Variants in NBAS observed in about 807,000 individuals in gnomAD.
NBAS encodes the protein NBAS subunit of NRZ tethering complex.
Under a neutral mutation model 302.5 loss-of-function variants are expected in NBAS, and 219 were observed. That is an observed-to-expected ratio of 0.72 (90% CI 0.65 to 0.81). NBAS has a LOEUF of 0.81. NBAS is among the 30% of genes least tolerant of loss of function. The pLI, the probability that NBAS is intolerant of heterozygous loss-of-function variation, is 0.00. For missense variants in NBAS, 2,932 were observed against 2,841.6 expected (o/e 1.03, Z -0.72); for synonymous variants, 1,118 against 1,021.6 (o/e 1.09, Z -1.80).
At chr2:15,055,116 T>G in the NBAS span, among the ~76,000 whole-genome samples, 2 of 152,102 alleles carry the variant, frequency 1.3e-5, no homozygotes, top group Non-Finnish European at 1.5e-5. Context: ...ACTGGATACA[T>G]TCACTCGAAG....
At chr2:14,818,983 A>G in the NBAS span, among the ~76,000 whole-genome samples, 1 of 151,912 alleles carries the variant, frequency 6.6e-6, no homozygotes, top group Non-Finnish European at 1.5e-5. Flanking sequence ...ATCAAGTTCA[A>G]CTCCTCTACA....
intron 25 of NBAS, among the ~76,000 whole-genome samples, chr2:15,405,677 CA>C (rs1676374398): frequency 6.6e-6 from 1 of 152,068 alleles, no homozygotes; most frequent in Non-Finnish European, 1.5e-5. Flanking sequence ...GAAAAGAACA[CA>C]GATGATAAGA....
At chr2:15,085,466 C>T in the NBAS span, among the ~76,000 whole-genome samples, 1 of 152,118 alleles carries the variant, frequency 6.6e-6, no homozygotes, top group Non-Finnish European at 1.5e-5. Flanking sequence ...AGTGCTGGGG[C>T]AATGTGGGGA....
chr2:15,408,306 T>A (rs574121075), intron 25 of NBAS, among the ~76,000 whole-genome samples: 3 of 152,236 alleles, frequency 2.0e-5, no homozygotes, highest in Admixed American at 2.0e-4. Flanking sequence ...ACAATTCAGA[T>A]CCTCTGGTCA....
At chr2:14,960,537 G>T in the NBAS span, among the ~76,000 whole-genome samples, 1 of 152,164 alleles carries the variant, frequency 6.6e-6, no homozygotes, top group South Asian at 2.1e-4. Flanking sequence ...CTTTGATGAT[G>T]AGAAATCTAA....
intron 9 of NBAS, among the ~76,000 whole-genome samples, chr2:15,516,687 C>G (rs940535715): frequency 2.0e-5 from 3 of 149,492 alleles, no homozygotes; most frequent in Non-Finnish European, 2.9e-5. Flanking sequence ...CGCTCCACTG[C>G]ACTCCAGCTT....
At chr2:15,543,772 G>C (rs140217147) in intron 6 of NBAS, among the ~76,000 whole-genome samples, 38 of 152,316 alleles carry the variant, frequency 2.5e-4, no homozygotes, top group African/African-American at 8.4e-4. Context: ...GCAACACGTG[G>C]GAGTTATGGG....
chr2:15,123,391 T>A, the NBAS span, among the ~76,000 whole-genome samples: 16 of 152,058 alleles, frequency 1.1e-4, no homozygotes, highest in African/African-American at 3.9e-4. Flanking sequence ...GGAGACCAGG[T>A]GAAGGGAGCT....
At chr2:15,454,268 CAT>C (rs1679149454) in intron 21 of NBAS, among the ~76,000 whole-genome samples, 1 of 152,034 alleles carries the variant, frequency 6.6e-6, no homozygotes, top group East Asian at 1.9e-4. Context: ...GTTCAGTAAA[CAT>C]ATAATTGTCA....
rs115225546 is a variant in NBAS, at chr2:15,400,530, A to G, written c.3071+1638T>C. ...AAAAATGATCTAAAATTGCAAAATC[A>G]AAAAATAACAACACGAGCATAACAT... On this transcript the variant is annotated intron_variant, in intron 26 of 51. Transcript: ENST00000281513. Among the ~76,000 whole-genome samples, 1,015 of 152,292 alleles carry G rather than the reference A, an allele frequency of 6.7e-3. 11 individuals carry two copies. The highest frequency in any genetic ancestry group is 0.022 in the African/African-American group (925 of 41,554).
chr2:14,973,162 C>T, the NBAS span, among the ~76,000 whole-genome samples: 19 of 152,280 alleles, frequency 1.2e-4, no homozygotes, highest in Non-Finnish European at 2.4e-4. Context: ...TGGGGAATTT[C>T]GGAAGCCCCA....
rs147612706 is a variant in NBAS at position 15,412,333 on chromosome 2, C to T, written c.2937+3213G>A. ...AGCCACTGTGTGGTTCTACTTTGTT[C>T]TCTTCCCTATGCCACAAGAGAGAAA... On this transcript the variant is annotated intron_variant, in intron 25 of 51. Transcript: ENST00000281513. Among the ~76,000 whole-genome samples the T allele has an allele frequency of 4.6e-5, 7 of 152,262 alleles. No individual in the cohort carries two copies. In the East Asian group the frequency reaches 1.4e-3, roughly 29 times the overall value.
chr2:14,824,191 GT>G, the NBAS span, among the ~76,000 whole-genome samples: 1 of 152,154 alleles, frequency 6.6e-6, no homozygotes, highest in Non-Finnish European at 1.5e-5. Flanking sequence ...TAAATAAGAG[GT>G]AGAACTAGAA....
chr2:15,250,839 G>A (rs1558475424), intron 44 of NBAS, among the ~76,000 whole-genome samples: 1 of 152,182 alleles, frequency 6.6e-6, no homozygotes, highest in Non-Finnish European at 1.5e-5. Context: ...GGAGAAATAG[G>A]AACGCTTTTA....
intron 42 of NBAS, among the ~76,000 whole-genome samples, chr2:15,285,579 G>T (rs1157358236): frequency 6.6e-6 from 1 of 152,164 alleles, no homozygotes; most frequent in Non-Finnish European, 1.5e-5. Flanking sequence ...CCCCAGATCT[G>T]TAAGATCCAA....
intron 9 of NBAS, among the ~76,000 whole-genome samples, chr2:15,523,205 G>A (rs1572965813): frequency 6.6e-6 from 1 of 152,270 alleles, no homozygotes; most frequent in East Asian, 1.9e-4. Flanking sequence ...AAAAATACAT[G>A]AGAACCTCGA....
At chr2:15,309,055 G>C (rs1671159444) in intron 39 of NBAS, 116 bp downstream of exon 39, 2 of 481,546 alleles carry the variant, frequency 4.2e-6, no homozygotes, top group Admixed American at 4.1e-5. Flanking sequence ...ATAAATAAAA[G>C]AAAAAAAAGA....
the NBAS span, among the ~76,000 whole-genome samples, chr2:15,115,599 C>A: frequency 6.6e-6 from 1 of 152,130 alleles, no homozygotes; most frequent in East Asian, 1.9e-4. Context: ...CTCCTGGGCT[C>A]AGGAAATCTT....
the NBAS span, among the ~76,000 whole-genome samples, chr2:14,782,927 A>T: frequency 6.6e-6 from 1 of 152,118 alleles, no homozygotes. Context: ...GGACACATAG[A>T]GGGGAATAAT....
Sources: gnomAD v4.1 joint callset for allele counts (sites outside exome capture counted in the v4.1 genomes callset) on GRCh38, gnomAD v4.1.1 for gene constraint, MANE v1.5 for transcripts, NCBI Gene and HGNC (gene_info 2026-07-23, HGNC 2026-07-21) for gene names.